POLR3A: variants seen among roughly 807,000 people sequenced by gnomAD.
The protein encoded by POLR3A is RNA polymerase III subunit A.
A neutral mutation model predicts 152.8 loss-of-function variants in POLR3A; 112 were observed. The ratio of observed to expected loss-of-function variants is 0.73; its 90% confidence interval spans 0.63 to 0.86. The LOEUF is 0.86. Among genes scored for constraint, POLR3A ranks in the 40% least tolerant of loss-of-function variants. The pLI is 0.00. For missense variants in POLR3A, 1,385 were observed against 1,743.1 expected (o/e 0.79, Z 3.66); for synonymous variants, 615 against 652.1 (o/e 0.94, Z 0.87).
rs557113161 is a variant in POLR3A, at chr10:77,980,327, G to A, written c.3892-54C>T. The stretch of plus-strand genomic sequence containing the variant: ...GTACTCACACCAATGGCAAAAGCTC[G>A]AAACCAAAGCACGGTGCACCTTCAA... On this transcript the variant is annotated intron_variant, in intron 29 of 30. Coordinates refer to ENST00000372371, the MANE Select transcript of POLR3A (RefSeq NM_007055.4). The A allele has an allele frequency of 9.5e-4, 1,502 of 1,581,606 alleles. 1 individual carries two copies. The highest frequency in any genetic ancestry group is 1.2e-3 in the Non-Finnish European group (1,400 of 1,151,232).
At chr10:78,027,329 T>C (rs943592630) in intron 1 of POLR3A, among the ~76,000 whole-genome samples, 1 of 152,162 alleles carries the variant, frequency 6.6e-6, no homozygotes, top group Non-Finnish European at 1.5e-5. Context: ...AGCTAAAGCA[T>C]GAGGGCTTGG....
At chr10:77,996,113 C>T (rs1026816212) in intron 19 of POLR3A, among the ~76,000 whole-genome samples, 43 of 151,992 alleles carry the variant, frequency 2.8e-4, no homozygotes, top group African/African-American at 9.2e-4. Context: ...TTGAAACCAA[C>T]GAGAACAAAG....
chr10:77,988,141 T>C (rs1022376947), intron 21 of POLR3A, among the ~76,000 whole-genome samples: 1 of 152,192 alleles, frequency 6.6e-6, no homozygotes, highest in African/African-American at 2.4e-5. Context: ...GCCCACTCTC[T>C]TTCTTCCCAC....
At chr10:78,005,582 A>C (rs536458132) in intron 15 of POLR3A, among the ~76,000 whole-genome samples, 1 of 152,406 alleles carries the variant, frequency 6.6e-6, no homozygotes, top group Admixed American at 6.5e-5. Flanking sequence ...GGTATGACCT[A>C]CAAGTATCTG....
In POLR3A at chr10:77,991,067, T is replaced by A. The variant is rs761205136; in HGVS notation, c.2888A>T (p.Asp963Val). ...GGCAGAGCTCACCTGCAGGAAGCTG[T>A]CCTGGCAGCAGAGGAACTCACTCTT... ...MKKSEFLCCQ[D>V]SFLQEIKKFI... The change falls in exon 21 of 31, where the codon GAC becomes GTC. Residue 963 changes from aspartate to valine, a missense_variant. Coordinates refer to ENST00000372371, the MANE Select transcript of POLR3A (RefSeq NM_007055.4). The A allele has an allele frequency of 3.1e-6, 5 of 1,604,682 alleles. No homozygotes were observed. The highest frequency in any genetic ancestry group is 4.3e-6 in the Non-Finnish European group (5 of 1,171,578).
At chr10:78,016,964 C>A (rs945462535) in intron 10 of POLR3A, among the ~76,000 whole-genome samples, 2 of 151,726 alleles carry the variant, frequency 1.3e-5, no homozygotes, top group South Asian at 4.2e-4. Flanking sequence ...TTTTGTGAAA[C>A]CATGCTAGTC....
intron 24 of POLR3A, among the ~76,000 whole-genome samples, chr10:77,984,719 C>T (rs922730739): frequency 9.2e-5 from 14 of 152,266 alleles, no homozygotes; most frequent in Middle Eastern, 3.4e-3. Flanking sequence ...TTTTTGTCAT[C>T]GAAGGCATTG....
chr10:78,021,674 T>G lies in POLR3A; in HGVS notation c.1057A>C (p.Arg353=), dbSNP rs555702154. 6.2e-7 allele frequency: 1 copy of G among 1,614,082 alleles called. No individual in the cohort carries two copies. Among genetic ancestry groups the G allele is most frequent in the African/African-American group, 1.3e-5 (1 of 75,012 alleles). ...QRLKGKQGRF[R]GNLSGKRVDF... ...ACTCTCTTTCCTGAGAGATTTCCTC[T>G]AAATCGACCTAAATAGCCAAAAACA... Residue 353 remains arginine, a synonymous_variant, in exon 8 of 31, where the codon AGA becomes CGA. Transcript: ENST00000372371.
chr10:78,008,453 T>C (rs1218890895), intron 14 of POLR3A, among the ~76,000 whole-genome samples: 1 of 152,208 alleles, frequency 6.6e-6, no homozygotes, highest in Non-Finnish European at 1.5e-5. Context: ...GCAGAAATCC[T>C]GACCTTCAGA....
At position 77,982,167 on chromosome 10, in the gene POLR3A, T is replaced by C. The variant is rs898936234; in HGVS notation, c.3746A>G (p.Asn1249Ser). Reference sequence around the variant, plus strand: ...GCTGAGTGGTACCTCATAGGTGTTATTGGAGGTGGTTCGGGTGCCCTTCAC... The same window carrying C: ...GCTGAGTGGTACCTCATAGGTGTTACTGGAGGTGGTTCGGGTGCCCTTCAC... ...HGVKGTRTTS[N>S]NTYEVEKTLG... Residue 1249 changes from asparagine (N) to serine (S), a missense_variant, in exon 28 of 31, where the codon AAT becomes AGT. Coordinates refer to ENST00000372371, the MANE Select transcript of POLR3A (RefSeq NM_007055.4). 6.2e-6 allele frequency: 10 copies of C among 1,613,760 alleles called. No homozygotes were observed. Among genetic ancestry groups the C allele is most frequent in the Admixed American group, 1.7e-5 (1 of 59,952 alleles).
chr10:77,983,334 C>A (rs561652095), intron 26 of POLR3A, among the ~76,000 whole-genome samples: 1 of 152,278 alleles, frequency 6.6e-6, no homozygotes, highest in South Asian at 2.1e-4. Flanking sequence ...GAACTTGATG[C>A]GTGAGAGAAC....
chr10:78,009,692 G>A lies in POLR3A; in HGVS notation c.1771-17C>T. ...GGTGACAGGCTGAGGGGGGGAGGAA[G>A]CCTGAGAGTCAGTGGGCTGAGCCTG... On this transcript the variant is annotated splice_polypyrimidine_tract_variant and intron_variant, in intron 13 of 30. Transcript: ENST00000372371. 1 of 1,614,154 alleles carries A rather than the reference G, an allele frequency of 6.2e-7. No individual in the cohort carries two copies. The highest frequency in any genetic ancestry group is 8.5e-7 in the Non-Finnish European group (1 of 1,180,032).
In POLR3A at chr10:78,029,383, T is replaced by C. The variant is rs1367645821; in HGVS notation, c.25A>G (p.Thr9Ala). 6.2e-7 allele frequency: 1 copy of C among 1,613,944 alleles called. No homozygotes were observed. The change falls in exon 1 of 31, where the codon ACG (threonine) becomes GCG (alanine). Residue 9 changes from threonine (T) to alanine (A), a missense_variant. By Grantham distance (58) the Thr-to-Ala change is moderately conservative (BLOSUM62 0). This residue lies in a region of POLR3A where 493 missense variants were observed against 647.5 expected (regional missense o/e 0.76). Coordinates refer to ENST00000372371, the MANE Select transcript of POLR3A (RefSeq NM_007055.4). ...TCTTACATTTTCTTGGCCACATCCG[T>C]CTCCCGGAACTGCTCCTTCACCATG... MVKEQFRETDVAKKISHIC... is the reference protein window; with the variant it reads MVKEQFREADVAKKISHIC...
chr10:77,996,324 A>C (rs539397629), intron 19 of POLR3A, among the ~76,000 whole-genome samples: 2,101 of 152,338 alleles, frequency 0.014, 46 homozygotes, highest in African/African-American at 0.046. Flanking sequence ...AGCAGAACTG[A>C]AGGAACTAGA....
At chr10:77,982,941 A>C (rs1847162642) in intron 26 of POLR3A, 124 bp from the exon 27 acceptor site, 2 of 754,440 alleles carry the variant, frequency 2.7e-6, no homozygotes, top group Admixed American at 3.9e-5. Context: ...CGCACCATGA[A>C]ATTAATACCA....
chr10:78,023,366 A>T (rs1362966451), intron 5 of POLR3A, among the ~76,000 whole-genome samples: 4 of 152,138 alleles, frequency 2.6e-5, no homozygotes, highest in African/African-American at 7.2e-5. Context: ...AGGCTGAGGC[A>T]AAAGAATCAC....
intron 12 of POLR3A, 115 bp downstream of exon 12, chr10:78,010,356 C>A (rs1415460284): frequency 1.3e-5 from 12 of 896,142 alleles, no homozygotes; most frequent in African/African-American, 5.1e-5. Context: ...AAACAAAAAA[C>A]CAAATTAAAC....
intron 25 of POLR3A, 56 bp from the exon 26 acceptor site, chr10:77,984,068 A>G (rs904339905): frequency 7.3e-7 from 1 of 1,373,464 alleles, no homozygotes; most frequent in Non-Finnish European, 1.0e-6. Flanking sequence ...TCCTAAGAGC[A>G]CACGACTGCT....
In POLR3A at chr10:78,022,395, G is replaced by A. The variant is rs774364817; in HGVS notation, c.646-11C>T. On this transcript the variant is annotated splice_polypyrimidine_tract_variant and intron_variant, in intron 5 of 30. Coordinates refer to ENST00000372371, the MANE Select transcript of POLR3A (RefSeq NM_007055.4). ...GGGATTCAAGTTTTCCTATGGAAAC[G>A]AAGAAAGGCAGAAATGGAGATACTA... The A allele has an allele frequency of 1.2e-6, 2 of 1,612,822 alleles. No homozygotes were observed. Among genetic ancestry groups the A allele is most frequent in the East Asian group, 4.5e-5 (2 of 44,878 alleles).
Sources: allele counts gnomAD v4.1 joint callset (sites outside exome capture counted in the v4.1 genomes callset), GRCh38; gene constraint gnomAD v4.1.1; regional missense constraint gnomAD v4.1.1; transcripts MANE v1.5; gene names NCBI Gene and HGNC (gene_info 2026-07-23, HGNC 2026-07-21).